LNX1: variants seen among roughly 807,000 people sequenced by gnomAD.
LNX1 encodes the protein E3 ubiquitin-protein ligase LNX.
A neutral mutation model predicts 68.4 loss-of-function variants in LNX1; 54 were observed. That is an observed-to-expected ratio of 0.79 (90% confidence interval 0.63 to 0.99). The LOEUF (loss-of-function observed/expected upper bound fraction) is 0.99, where lower values mean the gene tolerates loss of function less well. LNX1 is among the 50% of genes least tolerant of loss of function. LNX1 has a pLI of 0.00. For missense variants in LNX1, 906 were observed against 926.4 expected, an observed-to-expected ratio of 0.98 and a Z score of 0.29; for synonymous variants, 336 against 350.0, an observed-to-expected ratio of 0.96 and a Z score of 0.45.
At chr4:53,517,949 C>A (rs1381528703) in intron 2 of LNX1, among the ~76,000 whole-genome samples, 4 of 152,134 alleles carry the variant, frequency 2.6e-5, no homozygotes, top group African/African-American at 9.7e-5. Flanking sequence ...TTTCTGACAT[C>A]ATTTACCACC....
At chr4:53,579,872 A>T (rs17083076) in intron 1 of LNX1, among the ~76,000 whole-genome samples, 1,826 of 152,320 alleles carry the variant, frequency 0.012, 19 homozygotes, top group Non-Finnish European at 0.02. Flanking sequence ...TGGCAACGAT[A>T]ATTTTACGTG....
intron 2 of LNX1, among the ~76,000 whole-genome samples, chr4:53,548,121 G>GA (rs11377097): frequency 0.51 from 72,298 of 141,764 alleles, 18,176 homozygotes; most frequent in Middle Eastern, 0.57. Context: ...AGTGATGGTT[G>GA]AAAAAAAAAA....
intron 1 of LNX1, among the ~76,000 whole-genome samples, chr4:53,648,097 T>C (rs2109894424): frequency 6.6e-6 from 1 of 152,396 alleles, no homozygotes; most frequent in Non-Finnish European, 1.5e-5. Context: ...GTCCCTACTT[T>C]CAATTCTTTT....
chr4:53,649,840 T>C (rs575194305), intron 1 of LNX1, among the ~76,000 whole-genome samples: 2 of 152,060 alleles, frequency 1.3e-5, no homozygotes, highest in Non-Finnish European at 2.9e-5. Context: ...GGACTGGGAG[T>C]TCCTTGAGGG....
Position 53,460,717 on chromosome 4 carries a change from C to G in LNX1, c.*190G>C. 1 of 537,900 alleles carries G rather than the reference C, an allele frequency of 1.9e-6. No homozygotes were observed. 33.3% of individuals were successfully genotyped at this position (537,900 alleles called of 1,614,324 possible). A position where few individuals can be genotyped will look rare whatever the true frequency, so the allele number is the denominator to read the frequency against. ...AGAAATCCTCCACACTGAAAAAAAA[C>G]TAGTAGTTTTAATTTTTTTGGAATC... On this transcript the variant is annotated 3_prime_UTR_variant, in exon 11 of 11. Coordinates refer to ENST00000263925, the MANE Select transcript of LNX1 (RefSeq NM_001126328.3).
chr4:53,569,958 A>T (rs1484338050), intron 2 of LNX1, among the ~76,000 whole-genome samples: 1 of 152,124 alleles, frequency 6.6e-6, no homozygotes, highest in Non-Finnish European at 1.5e-5. Context: ...TCAAAACCAC[A>T]ATGAGATACT....
chr4:53,461,085 C>A (rs776777903), intron 10 of LNX1, 43 bp from the exon 11 acceptor site: 1 of 1,501,722 alleles, frequency 6.7e-7, no homozygotes, highest in Non-Finnish European at 8.9e-7. Flanking sequence ...TATTTTAATT[C>A]GTTGCTGAAG....
rs551936730 is a variant in LNX1, at chr4:53,485,514, T to C, written c.1351-3660A>G. Among the ~76,000 whole-genome samples the C allele has an allele frequency of 8.3e-4, 126 of 152,320 alleles. 2 individuals are homozygous for C. In the South Asian group the frequency reaches 0.018, roughly 21 times the overall value. On this transcript the variant is annotated intron_variant, in intron 6 of 10. Transcript: ENST00000263925. ...TTCAAATGCTGGCTTTGGTATTAAG[T>C]TGTTGACAGGAATAACACTACAATA...
Position 53,573,848 on chromosome 4 carries a change from A to G in LNX1, c.155T>C (p.Leu52Pro). 2 of 1,613,754 alleles carry G rather than the reference A, an allele frequency of 1.2e-6. No homozygotes were observed. The highest frequency in any genetic ancestry group is 1.7e-6 in the Non-Finnish European group (2 of 1,179,818). Residue 52 changes from leucine (L) to proline (P), a missense_variant, in exon 2 of 11, where the codon CTG (leucine) becomes CCG (proline). Transcript: ENST00000263925. The part of the protein sequence containing the change: ...HICLQALLDP[L>P]DTPCGHTYCT... ...GTAGGTGTGTCCACACGGAGTGTCC[A>G]GGGGGTCCAGCAAAGCCTGCAGGCA...
At chr4:53,608,957 T>C (rs2109845182) in intron 2 of LNX1, among the ~76,000 whole-genome samples, 1 of 152,170 alleles carries the variant, frequency 6.6e-6, no homozygotes, top group South Asian at 2.1e-4. Context: ...AAGGCCTATG[T>C]GAGGGTGGAG....
intron 9 of LNX1, among the ~76,000 whole-genome samples, chr4:53,475,440 G>A (rs1485724219): frequency 6.6e-6 from 1 of 152,146 alleles, no homozygotes; most frequent in Admixed American, 6.5e-5. Context: ...TTATCAACTA[G>A]TGAAGGCTCA....
chr4:53,598,563 T>C (rs1732859084), intron 2 of LNX1, among the ~76,000 whole-genome samples: 1 of 152,160 alleles, frequency 6.6e-6, no homozygotes, highest in Admixed American at 6.5e-5. Flanking sequence ...CTGTTTCCTC[T>C]CTAGACAGCG....
At chr4:53,527,419 A>T (rs1321418372) in intron 2 of LNX1, among the ~76,000 whole-genome samples, 1 of 152,102 alleles carries the variant, frequency 6.6e-6, no homozygotes, top group Non-Finnish European at 1.5e-5. Context: ...TCTGAGAGTG[A>T]GTTTGCATGA....
At chr4:53,616,004 TCTAA>T (rs58057416) in intron 2 of LNX1, among the ~76,000 whole-genome samples, 62,693 of 151,686 alleles carry the variant, frequency 0.41, 12,904 homozygotes, top group Admixed American at 0.45. Flanking sequence ...ACTAATTCTT[TCTAA>T]CTATTTTTTG....
chr4:53,484,813 G>A (rs1052990369), intron 6 of LNX1, among the ~76,000 whole-genome samples: 5 of 152,118 alleles, frequency 3.3e-5, no homozygotes, highest in African/African-American at 1.2e-4. Flanking sequence ...CAGGTGAGTT[G>A]ACTCATTTCA....
At chr4:53,507,905 G>T in intron 3 of LNX1, 81 bp downstream of exon 3, 1 of 1,509,366 alleles carries the variant, frequency 6.6e-7, no homozygotes, top group Non-Finnish European at 8.9e-7. Context: ...AACATTTACA[G>T]AACTTTCCAC....
chr4:53,531,376 G>T (rs907506), intron 2 of LNX1, among the ~76,000 whole-genome samples: 146,508 of 152,250 alleles, frequency 0.96, 70,753 homozygotes, highest in Middle Eastern at 1. Flanking sequence ...CAGAGCCACA[G>T]TCCTCTCATC....
chr4:53,481,593 G>T, intron 7 of LNX1, 127 bp downstream of exon 7: 1 of 1,120,996 alleles, frequency 8.9e-7, no homozygotes, highest in Non-Finnish European at 1.2e-6. Context: ...TGGGCTTTTA[G>T]TTTTACAAGT....
At chr4:53,601,957 C>G (rs577796772) in intron 2 of LNX1, among the ~76,000 whole-genome samples, 1 of 152,268 alleles carries the variant, frequency 6.6e-6, no homozygotes, top group Admixed American at 6.5e-5. Flanking sequence ...ACCACCAACC[C>G]TCCTCACCCC....
Sources: allele counts gnomAD v4.1 joint callset (sites outside exome capture counted in the v4.1 genomes callset), GRCh38; gene constraint gnomAD v4.1.1; transcripts MANE v1.5; gene names NCBI Gene and HGNC (gene_info 2026-07-23, HGNC 2026-07-21).